The following SLC44A1 variants were observed in gnomAD, a reference collection of about 807,000 sequenced individuals.
SLC44A1 encodes solute carrier family 44 member 1, also known as choline transporter-like protein 1.
Under a neutral mutation model 79.3 loss-of-function variants are expected in SLC44A1, and 26 were observed. The ratio of observed to expected loss-of-function variants is 0.33; its 90% CI spans 0.24 to 0.46. The LOEUF (loss-of-function observed/expected upper bound fraction) is 0.46. Among genes scored for constraint, SLC44A1 ranks in the 20% least tolerant of loss-of-function variants. The pLI is 1.00. For synonymous variants in SLC44A1, 263 were observed against 286.2 expected (o/e 0.92, Z 0.82); for missense variants, 688 against 798.1 (o/e 0.86, Z 1.66).
rs373565794 is a variant in SLC44A1, at chr9:105,286,458, T to C, written c.37-12762T>C. Among the ~76,000 whole-genome samples, 57 of 152,374 alleles carry C rather than the reference T, an allele frequency of 3.7e-4. No homozygotes were observed. In the South Asian group the frequency reaches 0.012, roughly 31 times the overall value. On this transcript the variant is annotated intron_variant, in intron 1 of 15. Transcript: ENST00000374720. Reference sequence around the variant, plus strand: ...GAGTTAATACAGGCAAAATGGCACATGGAATATGCTCAATAATATTAGCTA... The same window carrying C: ...GAGTTAATACAGGCAAAATGGCACACGGAATATGCTCAATAATATTAGCTA...
intron 1 of SLC44A1, among the ~76,000 whole-genome samples, chr9:105,259,374 A>C (rs754811074): frequency 6.6e-6 from 1 of 151,480 alleles, no homozygotes; most frequent in African/African-American, 2.4e-5. Flanking sequence ...TGTGTTATTA[A>C]TATTGAGTGC....
At chr9:105,357,178 C>T (rs1164232648) in intron 6 of SLC44A1, 2 of 152,088 alleles carry the variant, frequency 1.3e-5, no homozygotes, top group African/African-American at 2.4e-5. Flanking sequence ...TGAAATAATG[C>T]TGTCCATATG....
intron 1 of SLC44A1, among the ~76,000 whole-genome samples, chr9:105,281,719 A>C (rs1461250545): frequency 6.6e-6 from 1 of 152,212 alleles, no homozygotes; most frequent in Non-Finnish European, 1.5e-5. Context: ...TACATGTGCC[A>C]TCTTAAAATG....
rs1245211713 is a variant in SLC44A1, at chr9:105,304,946, T to TTTTTTTTG, written c.127-4771_127-4770insGTTTTTTT. ...AGTTATTCCCTAGACTTTCTATCGT[T>TTTTTTTTG]TTTTTTTTTTTTTTTTTTTTTTTTT... is the stretch of plus-strand genomic sequence containing the variant. On this transcript the variant is annotated intron_variant, in intron 2 of 15. Transcript: ENST00000374720. 5.7e-3 allele frequency among the ~76,000 whole-genome samples: 144 copies of TTTTTTTTG among 25,116 alleles called. 61 individuals are homozygous for TTTTTTTTG. The highest frequency in any genetic ancestry group is 8.6e-3 in the Non-Finnish European group (114 of 13,316). The allele number at this position is 25,116 out of a possible 152,430, so 16.5% of individuals were successfully genotyped here. A position where few individuals can be genotyped will look rare whatever the true frequency, so the allele number is the denominator to read the frequency against.
chr9:105,401,139 AGTGAAAGCCAGCT>A (rs1399454958), downstream of SLC44A1, among the ~76,000 whole-genome samples: 1 of 152,234 alleles, frequency 6.6e-6, no homozygotes, highest in East Asian at 1.9e-4. Context: ...AAAATGGTTA[AGTGAAAGCCAGCT>A]GTGAAAGCCA....
At chr9:105,404,319 T>C (rs1193394116) in intron 15 of SLC44A1, among the ~76,000 whole-genome samples, 4 of 151,470 alleles carry the variant, frequency 2.6e-5, no homozygotes, top group Non-Finnish European at 5.9e-5. Flanking sequence ...AAACGGATGA[T>C]TGGTTGGTGT....
At chr9:105,342,612 C>T (rs1827128879) in intron 4 of SLC44A1, among the ~76,000 whole-genome samples, 1 of 152,160 alleles carries the variant, frequency 6.6e-6, no homozygotes, top group Non-Finnish European at 1.5e-5. Flanking sequence ...TCTCTCCCCA[C>T]TCTAATTCTG....
intron 2 of SLC44A1, among the ~76,000 whole-genome samples, chr9:105,302,872 T>C (rs917592631): frequency 7.2e-5 from 11 of 152,054 alleles, no homozygotes; most frequent in South Asian, 4.2e-4. Flanking sequence ...GCTTGGAAGG[T>C]TGAAAGAGGT....
chr9:105,301,563 T>TTC lies in SLC44A1; in HGVS notation c.126+2262_126+2263dup, dbSNP rs539688980. ...TTGTTTTAAACGATTTTTAGACGAT[T>TTC]TCTCTCTCTTTGGATTTCATTCTAT... is the stretch of plus-strand genomic sequence containing the variant. On this transcript the variant is annotated intron_variant, in intron 2 of 15. Transcript: ENST00000374720. 5.7e-3 allele frequency among the ~76,000 whole-genome samples: 864 copies of TTC among 152,314 alleles called. 9 individuals carry two copies. The highest frequency in any genetic ancestry group is 0.02 in the African/African-American group (836 of 41,566).
At position 105,391,932 on chromosome 9, in the gene SLC44A1, C is replaced by T. The variant is rs1032069936; in HGVS notation, c.*2876C>T. The T allele has an allele frequency of 1.0e-6, 1 of 985,142 alleles. No homozygotes were observed. The highest frequency in any genetic ancestry group is 1.2e-6 in the Non-Finnish European group (1 of 829,772). 61.0% of individuals were successfully genotyped at this position (985,142 alleles called of 1,614,324 possible). ...CCTCTATTGTCAATTGTAGTAGTGA[C>T]CAGAGTATCGTGGTTTTTGCCATCA... On this transcript the variant is annotated 3_prime_UTR_variant, in exon 16 of 16. Coordinates refer to ENST00000374720, the MANE Select transcript of SLC44A1 (RefSeq NM_080546.5).
chr9:105,417,945 A>ATTTT (rs762492615), intron 15 of SLC44A1, among the ~76,000 whole-genome samples: 7,487 of 151,960 alleles, frequency 0.049, 604 homozygotes, highest in African/African-American at 0.17. Flanking sequence ...TGAGCCCAGG[A>ATTTT]GTTTGAGGCT....
intron 1 of SLC44A1, 52 bp from the exon 2 acceptor site, chr9:105,299,168 A>G (rs375556989): frequency 5.9e-6 from 8 of 1,359,422 alleles, no homozygotes; most frequent in Middle Eastern, 2.5e-4. Flanking sequence ...TGCCCTTCTA[A>G]CTTTAACTAA....
downstream of SLC44A1, among the ~76,000 whole-genome samples, chr9:105,398,097 G>A (rs1180152326): frequency 1.3e-5 from 2 of 152,206 alleles, no homozygotes; most frequent in African/African-American, 2.4e-5. Context: ...AAACTGTGTG[G>A]TGTGCCATCA....
intron 2 of SLC44A1, chr9:105,299,904 A>G (rs911114194): frequency 2.8e-5 from 28 of 985,662 alleles, no homozygotes; most frequent in Non-Finnish European, 3.4e-5. Context: ...TCCAGTGGGT[A>G]TAGAGAATGG....
chr9:105,280,472 T>TA (rs1350855429), intron 1 of SLC44A1, among the ~76,000 whole-genome samples: 1 of 152,232 alleles, frequency 6.6e-6, no homozygotes, highest in Non-Finnish European at 1.5e-5. Flanking sequence ...TAATGGAAGG[T>TA]AATAGTCTAC....
At chr9:105,269,415 TC>T (rs1299869372) in intron 1 of SLC44A1, among the ~76,000 whole-genome samples, 1 of 152,170 alleles carries the variant, frequency 6.6e-6, no homozygotes, top group Non-Finnish European at 1.5e-5. Flanking sequence ...TCCCATGTTA[TC>T]CCCTGAAATA....
intron 1 of SLC44A1, among the ~76,000 whole-genome samples, chr9:105,281,429 T>A (rs550085650): frequency 6.6e-6 from 1 of 152,342 alleles, no homozygotes; most frequent in South Asian, 2.1e-4. Flanking sequence ...CTATAATAGT[T>A]TTCATAAATG....
At position 105,392,386 on chromosome 9, in the gene SLC44A1, GCTCTCT is replaced by G. The variant is rs200002341; in HGVS notation, c.*3343_*3348del. ...AGAAATGTTTTTCTTTTGTAGAGAT[GCTCTCT>G]CTCTCTCTCTCTTTTTTTTTTTTTT... is the stretch of plus-strand genomic sequence containing the variant. On this transcript the variant is annotated 3_prime_UTR_variant, in exon 16 of 16. Transcript: ENST00000374720. The G allele has an allele frequency of 3.0e-5, 26 of 860,298 alleles. No individual in the cohort carries two copies. Among genetic ancestry groups the G allele is most frequent in the South Asian group, 5.5e-5 (1 of 18,154 alleles). 53.3% of individuals were successfully genotyped at this position (860,298 alleles called of 1,614,324 possible).
chr9:105,269,914 A>C (rs971045658), intron 1 of SLC44A1, among the ~76,000 whole-genome samples: 1 of 152,176 alleles, frequency 6.6e-6, no homozygotes, highest in Admixed American at 6.5e-5. Flanking sequence ...TAACATGTAG[A>C]AGACACTCAG....
Sources: allele counts gnomAD v4.1 joint callset (sites outside exome capture counted in the v4.1 genomes callset), GRCh38; gene constraint gnomAD v4.1.1; transcripts MANE v1.5; gene names NCBI Gene and HGNC (gene_info 2026-07-23, HGNC 2026-07-21).